ROBO1: variants seen among roughly 807,000 people sequenced by gnomAD.
ROBO1 encodes the protein roundabout guidance receptor 1, also known as roundabout homolog 1.
ROBO1 carries 149 observed loss-of-function variants against 195.9 expected under a neutral mutation model. The observed-to-expected ratio is 0.76, with a 90% confidence interval of 0.67 to 0.87. The LOEUF (loss-of-function observed/expected upper bound fraction) is 0.87. Among genes scored for constraint, ROBO1 ranks in the 40% least tolerant of loss-of-function variants. ROBO1 has a pLI of 0.00. For synonymous variants in ROBO1, 816 were observed against 733.2 expected (o/e 1.11, Z -1.82); for missense variants, 1,933 against 2,068.3 (o/e 0.93, Z 1.27).
At chr3:78,995,853 A>C (rs1200460565) in intron 3 of ROBO1, among the ~76,000 whole-genome samples, 1 of 152,038 alleles carries the variant, frequency 6.6e-6, no homozygotes, top group Non-Finnish European at 1.5e-5. Context: ...AGAGAATAAA[A>C]AGTGTGTACC....
chr3:78,759,403 G>C lies in ROBO1; in HGVS notation c.500-12503C>G, dbSNP rs144063946. ...AATAGAACACTTAAAAAAAAAAAGC[G>C]AACGAGAGAAATAAGCTATGGTTAA... On this transcript the variant is annotated intron_variant, in intron 4 of 30. Coordinates refer to ENST00000464233, the MANE Select transcript of ROBO1 (RefSeq NM_002941.4). 86 of 147,946 alleles carry C rather than the reference G, an allele frequency of 5.8e-4. 1 individual carries two copies. Among genetic ancestry groups the C allele is most frequent in the African/African-American group, 2.1e-3 (83 of 40,116 alleles). 9.2% of individuals were successfully genotyped at this position (147,946 alleles called of 1,614,324 possible).
At chr3:79,674,837 TGTGTG>T (rs1560090136) in intron 1 of ROBO1, among the ~76,000 whole-genome samples, 1,735 of 151,098 alleles carry the variant, frequency 0.011, 44 homozygotes, top group African/African-American at 0.04. Context: ...CGTGTGTGTG[TGTGTG>T]TGTGTGTGTG....
At chr3:78,700,603 A>G (rs2081397165) in intron 8 of ROBO1, among the ~76,000 whole-genome samples, 1 of 152,200 alleles carries the variant, frequency 6.6e-6, no homozygotes, top group Non-Finnish European at 1.5e-5. Flanking sequence ...ACTGTGTGTC[A>G]GATCATATAT....
At chr3:79,214,661 T>C (rs2082022470) in intron 2 of ROBO1, among the ~76,000 whole-genome samples, 1 of 151,622 alleles carries the variant, frequency 6.6e-6, no homozygotes, top group South Asian at 2.1e-4. Flanking sequence ...CCAGGAGGCA[T>C]GAAGGTCCAG....
intron 1 of ROBO1, among the ~76,000 whole-genome samples, chr3:79,706,209 G>A (rs1349914286): frequency 1.3e-5 from 2 of 152,180 alleles, no homozygotes; most frequent in African/African-American, 2.4e-5. Flanking sequence ...TGGTGGGAAT[G>A]GGCATCATTG....
chr3:78,623,410 A>T (rs1307781924), intron 26 of ROBO1, among the ~76,000 whole-genome samples: 1 of 152,166 alleles, frequency 6.6e-6, no homozygotes, highest in East Asian at 1.9e-4. Flanking sequence ...TATTCCAGGA[A>T]CTAGAAGAAA....
intron 3 of ROBO1, among the ~76,000 whole-genome samples, chr3:79,077,614 C>A (rs914570153): frequency 6.6e-6 from 1 of 151,690 alleles, no homozygotes; most frequent in Admixed American, 6.6e-5. Flanking sequence ...TATTGTCAGG[C>A]AAGAAATAAT....
chr3:79,247,584 TGCTTTGCTACTTTGA>T (rs901418425), intron 2 of ROBO1, among the ~76,000 whole-genome samples: 10 of 152,100 alleles, frequency 6.6e-5, no homozygotes, highest in African/African-American at 2.2e-4. Flanking sequence ...CTCCCCAACT[TGCTTTGCTACTTTGA>T]GCTTTGCTGA....
At chr3:78,916,115 G>A (rs1233127235) in intron 4 of ROBO1, among the ~76,000 whole-genome samples, 4 of 151,832 alleles carry the variant, frequency 2.6e-5, no homozygotes, top group African/African-American at 4.8e-5. Flanking sequence ...GCCGGGTGTG[G>A]TGGCGGCGCC....
intron 3 of ROBO1, among the ~76,000 whole-genome samples, chr3:79,075,458 A>G (rs1001600267): frequency 1.3e-5 from 2 of 151,982 alleles, no homozygotes; most frequent in Non-Finnish European, 2.9e-5. Flanking sequence ...TGTATTTTCT[A>G]TCTATGTTAG....
intron 2 of ROBO1, among the ~76,000 whole-genome samples, chr3:79,347,747 T>C (rs1484409183): frequency 6.6e-6 from 1 of 152,186 alleles, no homozygotes; most frequent in East Asian, 1.9e-4. Context: ...ACAAAAGTTA[T>C]TTAAACACTT....
chr3:79,456,479 G>A (rs1277591237), intron 2 of ROBO1, among the ~76,000 whole-genome samples: 1 of 151,994 alleles, frequency 6.6e-6, no homozygotes, highest in Non-Finnish European at 1.5e-5. Context: ...CACGTGGTTG[G>A]ATAGCTTAAA....
At chr3:79,516,111 A>T (rs1940932378) in intron 2 of ROBO1, among the ~76,000 whole-genome samples, 1 of 152,174 alleles carries the variant, frequency 6.6e-6, no homozygotes, top group South Asian at 2.1e-4. Flanking sequence ...TGAAGAAAAA[A>T]AAAGGTTTCC....
intron 2 of ROBO1, among the ~76,000 whole-genome samples, chr3:79,510,314 G>A (rs943605342): frequency 3.3e-5 from 5 of 152,052 alleles, no homozygotes; most frequent in African/African-American, 4.8e-5. Context: ...CCCTTTACTC[G>A]GCACCCATTC....
chr3:79,269,075 A>T (rs1293185404), intron 2 of ROBO1, among the ~76,000 whole-genome samples: 2 of 151,184 alleles, frequency 1.3e-5, no homozygotes, highest in East Asian at 1.9e-4. Flanking sequence ...TGGGAGATGA[A>T]TTTTTTTTTC....
chr3:79,426,456 C>T (rs188218958), intron 2 of ROBO1, among the ~76,000 whole-genome samples: 33 of 152,160 alleles, frequency 2.2e-4, no homozygotes, highest in Middle Eastern at 3.4e-3. Context: ...CTGCAATGTC[C>T]GCCTCCCAGG....
chr3:79,764,526 A>C (rs868630539), intron 1 of ROBO1, among the ~76,000 whole-genome samples: 3 of 152,198 alleles, frequency 2.0e-5, no homozygotes, highest in African/African-American at 4.8e-5. Context: ...CTCATTCATC[A>C]AGCTGCCAGG....
chr3:79,708,035 A>G (rs1702122603), intron 1 of ROBO1, among the ~76,000 whole-genome samples: 1 of 152,120 alleles, frequency 6.6e-6, no homozygotes, highest in African/African-American at 2.4e-5. Flanking sequence ...CTTTTAAGAA[A>G]CTGATGAAAG....
At chr3:78,912,928 T>A (rs1410930867) in intron 4 of ROBO1, among the ~76,000 whole-genome samples, 1 of 152,116 alleles carries the variant, frequency 6.6e-6, no homozygotes, top group Non-Finnish European at 1.5e-5. Flanking sequence ...CTCTTGAACG[T>A]CCAATTTTCT....
Sources: gnomAD v4.1 joint callset for allele counts (sites outside exome capture counted in the v4.1 genomes callset) on GRCh38, gnomAD v4.1.1 for gene constraint, MANE v1.5 for transcripts, NCBI Gene and HGNC (gene_info 2026-07-23, HGNC 2026-07-21) for gene names.